Variants in SIPA1L2 observed in about 807,000 individuals in gnomAD.
The protein encoded by SIPA1L2 is signal induced proliferation associated 1 like 2.
In SIPA1L2, 56 loss-of-function variants were observed where a neutral mutation model predicts 163.9. That is an observed-to-expected ratio of 0.34 (90% confidence interval 0.28 to 0.43). SIPA1L2 has a LOEUF of 0.43. SIPA1L2 is among the 20% of genes least tolerant of loss of function. The pLI, the probability that SIPA1L2 is intolerant of heterozygous loss-of-function variation, is 1.00. For missense variants in SIPA1L2, 1,974 were observed against 2,193.5 expected (o/e 0.90, Z 2.00); for synonymous variants, 877 against 865.7 (o/e 1.01, Z -0.23).
At chr1:232,488,815 C>G (rs1285158458) in intron 5 of SIPA1L2, among the ~76,000 whole-genome samples, 1 of 152,174 alleles carries the variant, frequency 6.6e-6, no homozygotes, top group African/African-American at 2.4e-5. Flanking sequence ...GGAGCTTGCA[C>G]TTGATTCAGA....
At chr1:232,472,866 TA>T (rs748889372) in intron 7 of SIPA1L2, among the ~76,000 whole-genome samples, 28 of 152,196 alleles carry the variant, frequency 1.8e-4, no homozygotes, top group Non-Finnish European at 3.8e-4. Context: ...TTTAGCATGA[TA>T]AAAGGCCTGG....
chr1:232,518,541 A>G (rs1358935528), intron 2 of SIPA1L2, among the ~76,000 whole-genome samples: 2 of 152,090 alleles, frequency 1.3e-5, no homozygotes, highest in Non-Finnish European at 2.9e-5. Context: ...CCCCAGACAT[A>G]CCAAGCGTCT....
rs138606108 is a variant in SIPA1L2, at chr1:232,442,917, C to T, written c.3437+685G>A. 5.8e-3 allele frequency among the ~76,000 whole-genome samples: 877 copies of T among 152,312 alleles called. 7 individuals are homozygous for T. The highest frequency in any genetic ancestry group is 7.0e-3 in the Non-Finnish European group (473 of 68,010). On this transcript the variant is annotated intron_variant, in intron 12 of 22. Coordinates refer to ENST00000674635, the MANE Select transcript of SIPA1L2 (RefSeq NM_020808.5). The stretch of plus-strand genomic sequence containing the variant: ...GGAGAGAAATTTCCCAGTGCACCTG[C>T]GGGAGCAGTGATATAAGCTGCTCCT...
chr1:232,537,280 T>A (rs1008737864), intron 2 of SIPA1L2, among the ~76,000 whole-genome samples: 1 of 152,140 alleles, frequency 6.6e-6, no homozygotes, highest in Admixed American at 6.5e-5. Context: ...ATTAATTTGG[T>A]GGGACCAAGC....
chr1:232,459,547 C>T (rs1336599168), intron 10 of SIPA1L2, among the ~76,000 whole-genome samples: 1 of 152,206 alleles, frequency 6.6e-6, no homozygotes, highest in Non-Finnish European at 1.5e-5. Context: ...CAGTCTCACT[C>T]TGCCACCCAT....
intron 1 of SIPA1L2, among the ~76,000 whole-genome samples, chr1:232,618,880 T>G (rs1026752975): frequency 6.6e-6 from 1 of 152,204 alleles, no homozygotes; most frequent in Admixed American, 6.5e-5. Flanking sequence ...AAGTAATTTT[T>G]CCTTTAGTTT....
At chr1:232,490,747 T>C in intron 5 of SIPA1L2, 127 bp downstream of exon 5, 5 of 1,009,464 alleles carry the variant, frequency 5.0e-6, no homozygotes, top group Non-Finnish European at 5.8e-6. Context: ...TGGGAAAAAC[T>C]AAAGAGAAAA....
chr1:232,547,251 A>AT (rs1186896233), intron 2 of SIPA1L2, among the ~76,000 whole-genome samples: 21 of 152,120 alleles, frequency 1.4e-4, no homozygotes, highest in Admixed American at 1.2e-3. Context: ...CAAATCCAGC[A>AT]TTTTTTATGC....
chr1:232,599,410 C>A (rs1451907028), intron 1 of SIPA1L2, among the ~76,000 whole-genome samples: 1 of 152,232 alleles, frequency 6.6e-6, no homozygotes, highest in Non-Finnish European at 1.5e-5. Flanking sequence ...GACTGCTCCT[C>A]AGCAAAGATC....
chr1:232,562,829 T>G (rs1221998846), intron 2 of SIPA1L2, among the ~76,000 whole-genome samples: 1 of 152,200 alleles, frequency 6.6e-6, no homozygotes, highest in Non-Finnish European at 1.5e-5. Context: ...GTTCACTTTT[T>G]TCCCCTTAGC....
intron 2 of SIPA1L2, among the ~76,000 whole-genome samples, chr1:232,572,769 A>G (rs1189778879): frequency 1.2e-4 from 14 of 112,054 alleles, no homozygotes; most frequent in African/African-American, 4.2e-4. Flanking sequence ...ATATATATAT[A>G]TATATATATA....
Position 232,460,947 on chromosome 1 carries a change from C to A in SIPA1L2, c.3035G>T (p.Arg1012Leu), listed in dbSNP as rs768801084. The A allele has an allele frequency of 1.2e-6, 2 of 1,614,112 alleles. No homozygotes were observed. The highest frequency in any genetic ancestry group is 2.7e-5 in the African/African-American group (2 of 74,942). The change falls in exon 10 of 23, where the codon CGT becomes CTT. Residue 1012 changes from arginine (R) to leucine (L), a missense_variant. Around this residue, in one of 3 missense-constraint regions of SIPA1L2, gnomAD observed 1,079 missense variants for 1,150.7 expected, o/e 0.94. Coordinates refer to ENST00000674635, the MANE Select transcript of SIPA1L2 (RefSeq NM_020808.5). ...LTHEQMIDLL[R>L]TSVTVKVVII... is the part of the protein sequence containing the mutation. ...GACCACCTTCACAGTCACAGAAGTA[C>A]GGAGCAGGTCGATCATCTGCTCGTG...
intron 11 of SIPA1L2, among the ~76,000 whole-genome samples, 175 bp downstream of exon 11, chr1:232,445,354 G>A (rs1040602288): frequency 2.0e-5 from 3 of 152,160 alleles, no homozygotes; most frequent in Non-Finnish European, 4.4e-5. Flanking sequence ...TTGGGGCCAG[G>A]AGAGTGCCCG....
Position 232,465,052 on chromosome 1 carries a change from T to G in SIPA1L2, c.2608A>C (p.Ile870Leu), listed in dbSNP as rs748766418. 62 of 1,614,098 alleles carry G rather than the reference T, an allele frequency of 3.8e-5. No individual in the cohort carries two copies. Among genetic ancestry groups the G allele is most frequent in the Middle Eastern group, 3.3e-4 (2 of 6,084 alleles). ...IARDFGQSAD[I>L]ECLLGISNEF... is the part of the protein sequence containing the mutation. ...TTGGAGATCCCGAGAAGACATTCAA[T>G]GTCAGCAGACTGGCCGAAGTCCCGG... is the stretch of plus-strand genomic sequence containing the variant. Residue 870 changes from isoleucine (I) to leucine (L), a missense_variant, in exon 9 of 23, where the codon ATT (isoleucine) becomes CTT (leucine). This residue lies in a region of SIPA1L2 where 1,079 missense variants were observed against 1,150.7 expected (regional missense o/e 0.94). Transcript: ENST00000674635. The surrounding 1 kb of genome is among the most constrained non-coding windows in gnomAD (Gnocchi z 4.1).
chr1:232,414,203 C>T (rs1661117094), intron 19 of SIPA1L2, among the ~76,000 whole-genome samples: 1 of 152,190 alleles, frequency 6.6e-6, no homozygotes, highest in South Asian at 2.1e-4. Context: ...GCAGTGAGCG[C>T]ACATTCATGT....
intron 1 of SIPA1L2, among the ~76,000 whole-genome samples, chr1:232,581,458 G>C (rs970872619): frequency 1.3e-5 from 2 of 152,138 alleles, no homozygotes; most frequent in African/African-American, 4.8e-5. Context: ...AGGACAGAGA[G>C]AGAGAGGAAA....
At chr1:232,457,979 G>A (rs1184857367) in intron 10 of SIPA1L2, among the ~76,000 whole-genome samples, 1 of 152,170 alleles carries the variant, frequency 6.6e-6, no homozygotes, top group Non-Finnish European at 1.5e-5. Context: ...TACAAATTCA[G>A]ATTCCTAGAA....
In SIPA1L2 at chr1:232,514,267, G is replaced by C. The variant is rs377109303; in HGVS notation, c.1073C>G (p.Thr358Ser). ...RANVGKRKNI[T>S]TGASAASQTQ... ...CTGGGATGCTGCAGATGCCCCAGTGGTTATGTTTTTCCTTTTCCCCACATT... is the reference window on the plus strand; with the variant it reads ...CTGGGATGCTGCAGATGCCCCAGTGCTTATGTTTTTCCTTTTCCCCACATT... The change falls in exon 3 of 23, where the codon ACC becomes AGC. Residue 358 changes from threonine to serine, a missense_variant. Coordinates refer to ENST00000674635, the MANE Select transcript of SIPA1L2 (RefSeq NM_020808.5). The C allele has an allele frequency of 2.5e-6, 4 of 1,613,956 alleles. No homozygotes were observed. Among genetic ancestry groups the C allele is most frequent in the Non-Finnish European group, 3.4e-6 (4 of 1,180,046 alleles).
intron 2 of SIPA1L2, among the ~76,000 whole-genome samples, chr1:232,570,118 C>G (rs1196716773): frequency 6.6e-6 from 1 of 152,200 alleles, no homozygotes; most frequent in Admixed American, 6.5e-5. Context: ...CGCTGTAACA[C>G]TACAGTGCCA....
Sources: allele counts gnomAD v4.1 joint callset (sites outside exome capture counted in the v4.1 genomes callset), GRCh38; gene constraint gnomAD v4.1.1; regional missense constraint gnomAD v4.1.1; non-coding constraint Gnocchi (gnomAD v3.1); transcripts MANE v1.5; gene names NCBI Gene and HGNC (gene_info 2026-07-23, HGNC 2026-07-21).